The following RGS3 variants were observed in gnomAD, a reference collection of about 807,000 sequenced individuals.
The protein encoded by RGS3 is regulator of G-protein signalling 3.
Under a neutral mutation model 132.6 loss-of-function variants are expected in RGS3, and 80 were observed. That is an observed-to-expected ratio of 0.60 (90% CI 0.50 to 0.73). RGS3 has a LOEUF of 0.73. Ranked by LOEUF, RGS3 falls within the 30% of genes least tolerant of loss-of-function variation. The pLI is 0.00. For missense variants in RGS3, 1,382 were observed against 1,530.8 expected (o/e 0.90, Z 1.62); for synonymous variants, 598 against 620.6 (o/e 0.96, Z 0.54).
At chr9:113,556,370 T>C (rs1047434825) in intron 19 of RGS3, among the ~76,000 whole-genome samples, 2 of 152,182 alleles carry the variant, frequency 1.3e-5, no homozygotes, top group Admixed American at 6.5e-5. Context: ...GTGTGTTCAA[T>C]CTCCTCTTTC....
chr9:113,595,929 G>T (rs1334388948), intron 24 of RGS3, among the ~76,000 whole-genome samples, 164 bp downstream of exon 22: 1 of 152,210 alleles, frequency 6.6e-6, no homozygotes, highest in East Asian at 1.9e-4. Context: ...GGGAAGAACA[G>T]AATCCCAGTT....
chr9:113,500,589 T>C (rs1456312873), intron 10 of RGS3, among the ~76,000 whole-genome samples: 1 of 152,180 alleles, frequency 6.6e-6, no homozygotes, highest in East Asian at 1.9e-4. Context: ...GGTTGTCTGA[T>C]GACCTGGAAA....
chr9:113,583,621 A>C, exon 20 of RGS3: 1 of 1,614,070 alleles, frequency 6.2e-7, no homozygotes, highest in Non-Finnish European at 8.5e-7. Flanking sequence ...ACCCGCTCCC[A>C]GCCAAGAACC....
chr9:113,487,125 G>A (rs1334261242), intron 7 of RGS3, among the ~76,000 whole-genome samples: 5 of 123,272 alleles, frequency 4.1e-5, no homozygotes, highest in Non-Finnish European at 8.2e-5. Context: ...TTTTTTTTGA[G>A]ACGGAGTCTC....
chr9:113,450,740 A>G (rs1042674489), intron 1 of RGS3, among the ~76,000 whole-genome samples: 16 of 152,218 alleles, frequency 1.1e-4, no homozygotes, highest in African/African-American at 3.9e-4. Flanking sequence ...AAGCAGAGTC[A>G]GAAAACAGAA....
At position 113,529,277 on chromosome 9, in the gene RGS3, C is replaced by T. The variant is rs976372444; in HGVS notation, c.1914+13C>T. ...CTATCTAGCAGAGGTGAGTCCTTTCCTCTGGATTTGAGGAGAGAGATCTTC... is the reference window on the plus strand; with the variant it reads ...CTATCTAGCAGAGGTGAGTCCTTTCTTCTGGATTTGAGGAGAGAGATCTTC... On this transcript the variant is annotated intron_variant, in intron 18 of 24. Transcript: ENST00000350696. The T allele has an allele frequency of 1.9e-6, 3 of 1,609,002 alleles. No individual in the cohort carries two copies. Among genetic ancestry groups the T allele is most frequent in the Non-Finnish European group, 2.6e-6 (3 of 1,175,322 alleles).
chr9:113,471,076 G>A (rs905927952), intron 3 of RGS3, among the ~76,000 whole-genome samples: 10 of 152,100 alleles, frequency 6.6e-5, no homozygotes, highest in Admixed American at 2.0e-4. Context: ...ATCTTTGTTC[G>A]TTTGTCAGGT....
Position 113,556,774 on chromosome 9 carries a change from G to A in RGS3, c.2037+19856G>A, listed in dbSNP as rs111427191. ...TAGGATGATGGATCTGAAACAGACTGGGCTACTGAGGCCAGAGAGGGGCAG... is the reference window on the plus strand; with the variant it reads ...TAGGATGATGGATCTGAAACAGACTAGGCTACTGAGGCCAGAGAGGGGCAG... On this transcript the variant is annotated intron_variant, in intron 19 of 24. Coordinates refer to ENST00000350696, the Ensembl canonical transcript of RGS3. Among the ~76,000 whole-genome samples the A allele has an allele frequency of 2.6e-4, 40 of 152,284 alleles. 1 individual carries two copies. The highest frequency in any genetic ancestry group is 8.9e-4 in the African/African-American group (37 of 41,556).
chr9:113,590,433 C>T (rs1835361254), intron 20 of RGS3, among the ~76,000 whole-genome samples: 2 of 139,966 alleles, frequency 1.4e-5, no homozygotes, highest in Non-Finnish European at 3.1e-5. Flanking sequence ...TCTATTCACC[C>T]ATGCATTCAT....
chr9:113,486,344 A>G (rs193128351), intron 7 of RGS3, among the ~76,000 whole-genome samples: 1 of 152,388 alleles, frequency 6.6e-6, no homozygotes, highest in Non-Finnish European at 1.5e-5. Flanking sequence ...AGCAAAGGCA[A>G]GGAGGCAGAA....
At chr9:113,503,813 C>G (rs1320101996) in intron 10 of RGS3, among the ~76,000 whole-genome samples, 1 of 152,190 alleles carries the variant, frequency 6.6e-6, no homozygotes, top group African/African-American at 2.4e-5. Flanking sequence ...GGGCCAGGCT[C>G]CTGGCGTCTT....
intron 17 of RGS3, among the ~76,000 whole-genome samples, chr9:113,524,831 G>A (rs774128696): frequency 5.9e-5 from 9 of 152,230 alleles, no homozygotes; most frequent in Non-Finnish European, 1.2e-4. Flanking sequence ...TGGGGAATTG[G>A]TTGGGATCTC....
At chr9:113,495,302 T>A (rs1830646268) in intron 7 of RGS3, among the ~76,000 whole-genome samples, 1 of 152,142 alleles carries the variant, frequency 6.6e-6, no homozygotes, top group Non-Finnish European at 1.5e-5. Flanking sequence ...CTCAGCAGCT[T>A]TTGTGTCAGG....
intron 23 of RGS3, 121 bp downstream of exon 21, chr9:113,595,101 T>C: frequency 1.1e-6 from 1 of 942,864 alleles, no homozygotes; most frequent in Non-Finnish European, 1.6e-6. Flanking sequence ...CGTCAGGGTG[T>C]CCTTGCTGTT....
At chr9:113,497,285 T>G in intron 8 of RGS3, 29 bp from the exon 7 acceptor site, 6 of 1,576,862 alleles carry the variant, frequency 3.8e-6, no homozygotes, top group East Asian at 2.2e-5. Context: ...CTCCTGTGTC[T>G]GAGCGTGCCA....
chr9:113,519,188 C>T (rs940358454), intron 16 of RGS3, among the ~76,000 whole-genome samples: 2 of 152,138 alleles, frequency 1.3e-5, no homozygotes, highest in East Asian at 3.9e-4. Context: ...CAAGAGTCTC[C>T]AGGCTGGTAA....
chr9:113,492,461 C>A (rs1168628557), intron 7 of RGS3, among the ~76,000 whole-genome samples: 2 of 152,212 alleles, frequency 1.3e-5, no homozygotes, highest in Non-Finnish European at 2.9e-5. Context: ...TCTTGAACTG[C>A]TATTTAAATT....
At chr9:113,470,591 C>T (rs1246282567) in intron 3 of RGS3, among the ~76,000 whole-genome samples, 1 of 152,088 alleles carries the variant, frequency 6.6e-6, no homozygotes, top group African/African-American at 2.4e-5. Flanking sequence ...TAATATTTGC[C>T]TGACATATCT....
chr9:113,594,387 G>C (rs1288685388), intron 21 of RGS3, 43 bp from the exon 20 acceptor site: 6 of 1,607,824 alleles, frequency 3.7e-6, no homozygotes, highest in Non-Finnish European at 5.1e-6. Context: ...GCAGGGGCGA[G>C]TGGGCCAGGC....
Sources: allele counts gnomAD v4.1 joint callset (sites outside exome capture counted in the v4.1 genomes callset), GRCh38; gene constraint gnomAD v4.1.1; transcripts MANE v1.5; gene names NCBI Gene and HGNC (gene_info 2026-07-23, HGNC 2026-07-21).